The following ZFR variants were observed in gnomAD, a reference collection of about 807,000 sequenced individuals.
ZFR encodes zinc finger RNA binding protein, also known as zinc finger RNA-binding protein.
ZFR carries 19 observed loss-of-function variants against 130.7 expected under a neutral mutation model. That is an observed-to-expected ratio of 0.15 (90% CI 0.10 to 0.21). The LOEUF (loss-of-function observed/expected upper bound fraction) is 0.21, where lower values mean the gene tolerates loss of function less well. Among genes scored for constraint, ZFR ranks in the 10% least tolerant of loss-of-function variants. ZFR has a pLI of 1.00. For missense variants in ZFR, 872 were observed against 1,321.5 expected (o/e 0.66, Z 5.27); for synonymous variants, 466 against 456.9 (o/e 1.02, Z -0.25).
intron 17 of ZFR, among the ~76,000 whole-genome samples, chr5:32,369,147 G>A (rs1329276373): frequency 6.6e-6 from 1 of 152,172 alleles, no homozygotes; most frequent in Non-Finnish European, 1.5e-5. Flanking sequence ...CAGTTAAATA[G>A]ATGATTTTTG....
chr5:32,380,396 A>T, intron 15 of ZFR: 1 of 391,770 alleles, frequency 2.6e-6, no homozygotes, highest in South Asian at 4.1e-5. Flanking sequence ...CTGGAAATAT[A>T]AACCCTACCC....
chr5:32,366,466 A>G (rs76004934), intron 17 of ZFR, among the ~76,000 whole-genome samples: 2,545 of 152,366 alleles, frequency 0.017, 37 homozygotes, highest in Non-Finnish European at 0.026. Flanking sequence ...AAAAGCAGAA[A>G]TTAATTAAAA....
intron 7 of ZFR, among the ~76,000 whole-genome samples, chr5:32,403,610 G>T (rs1753517810): frequency 6.6e-6 from 1 of 152,056 alleles, no homozygotes; most frequent in African/African-American, 2.4e-5. Flanking sequence ...CTACTATTAG[G>T]TGAGGAAACT....
chr5:32,424,630 G>T (rs551837950), intron 2 of ZFR, among the ~76,000 whole-genome samples: 1 of 152,078 alleles, frequency 6.6e-6, no homozygotes, highest in East Asian at 1.9e-4. Context: ...GACTTTATAG[G>T]TGAGCAATCA....
intron 15 of ZFR, among the ~76,000 whole-genome samples, chr5:32,384,710 C>T (rs1297020866): frequency 6.6e-6 from 1 of 152,134 alleles, no homozygotes; most frequent in Non-Finnish European, 1.5e-5. Flanking sequence ...AACCAACATA[C>T]TGCAGACACT....
intron 17 of ZFR, among the ~76,000 whole-genome samples, chr5:32,366,782 ACTT>A: frequency 6.6e-6 from 1 of 152,162 alleles, no homozygotes; most frequent in Non-Finnish European, 1.5e-5. Context: ...TAAGAGAATA[ACTT>A]ATTAAGAATT....
intron 1 of ZFR, 55 bp downstream of exon 1, chr5:32,444,567 G>C: frequency 6.9e-7 from 1 of 1,443,920 alleles, no homozygotes; most frequent in Non-Finnish European, 9.1e-7. Flanking sequence ...GCTCCCCGCT[G>C]CCCGGGGCCA....
chr5:32,404,133 A>C (rs1753528495), intron 6 of ZFR, 36 bp from the exon 7 acceptor site: 1 of 1,531,690 alleles, frequency 6.5e-7, no homozygotes, highest in Non-Finnish European at 8.8e-7. Flanking sequence ...TTGCTTCACT[A>C]ATTTTCTTTA....
intron 11 of ZFR, among the ~76,000 whole-genome samples, chr5:32,393,503 C>G (rs148104621): frequency 4.6e-5 from 7 of 151,902 alleles, no homozygotes; most frequent in Admixed American, 3.3e-4. Context: ...GCCACCACGC[C>G]GGCTAATTTT....
At position 32,420,074 on chromosome 5, in the gene ZFR, G is replaced by C; in HGVS notation, c.167C>G (p.Ser56Cys). 1 of 1,600,540 alleles carries C rather than the reference G, an allele frequency of 6.2e-7. No individual in the cohort carries two copies. Among genetic ancestry groups the C allele is most frequent in the Non-Finnish European group, 8.5e-7 (1 of 1,170,484 alleles). ...GTAGCTAGCAACTGTAGTTGGATGA[G>C]AATAGGCTACACCCGAAGCTGGCTG... is the stretch of plus-strand genomic sequence containing the variant. ...SQQPASGVAY[S>C]HPTTVASYTV... The change falls in exon 3 of 20, where the codon TCT becomes TGT. Residue 56 changes from serine to cysteine, a missense_variant. Physicochemically the swap from Ser to Cys is moderately radical, Grantham distance 112. Coordinates refer to ENST00000265069, the MANE Select transcript of ZFR (RefSeq NM_016107.5).
chr5:32,363,046 T>G (rs1306672221), intron 19 of ZFR, among the ~76,000 whole-genome samples: 1 of 152,234 alleles, frequency 6.6e-6, no homozygotes, highest in Non-Finnish European at 1.5e-5. Flanking sequence ...GTCTGTAAGA[T>G]ATCCATAATA....
At chr5:32,393,822 A>G (rs528150623) in intron 11 of ZFR, among the ~76,000 whole-genome samples, 9 of 152,296 alleles carry the variant, frequency 5.9e-5, no homozygotes. Context: ...CCCATATTCT[A>G]TTATTAGCAA....
rs186052439 is a variant in ZFR, at chr5:32,412,056, A to G, written c.784+2913T>C. Among the ~76,000 whole-genome samples the G allele has an allele frequency of 1.8e-3, 275 of 152,326 alleles. 3 individuals are homozygous for G. Among genetic ancestry groups the G allele is most frequent in the African/African-American group, 6.5e-3 (270 of 41,566 alleles). On this transcript the variant is annotated intron_variant, in intron 5 of 19. Transcript: ENST00000265069. ...AAGGATCAATGTGAAAGGATTTTGC[A>G]ACTACCACTGTAGAAATTCATTCAG...
intron 11 of ZFR, among the ~76,000 whole-genome samples, chr5:32,392,272 C>T (rs1481503040): frequency 1.5e-5 from 2 of 131,418 alleles, no homozygotes; most frequent in African/African-American, 5.3e-5. Flanking sequence ...TCCTGGCACA[C>T]TGTGGATGCT....
rs886300461 is a variant in ZFR, at chr5:32,356,009, C to T, written c.3046-70G>A. On this transcript the variant is annotated intron_variant, in intron 19 of 19. Coordinates refer to ENST00000265069, the MANE Select transcript of ZFR (RefSeq NM_016107.5). ...AAGTAGTAATACTTACTACATTTAC[C>T]TCCCTCCAAATGCAACCTAAAAAAG... The T allele has an allele frequency of 9.5e-5, 123 of 1,290,954 alleles. 1 individual carries two copies. Among genetic ancestry groups the T allele is most frequent in the Non-Finnish European group, 1.2e-4 (119 of 962,664 alleles). 80.0% of individuals were successfully genotyped at this position (1,290,954 alleles called of 1,614,324 possible). A position where few individuals can be genotyped will look rare whatever the true frequency, so the allele number is the denominator to read the frequency against.
rs376085657 is a variant in ZFR at position 32,409,586 on chromosome 5, A to G, written c.785-2565T>C. ...ATACCTGGCTCATTTTTGTATTTTTAGTAGAGACGGGGTTTTACCATGGTG... is the reference window on the plus strand; with the variant it reads ...ATACCTGGCTCATTTTTGTATTTTTGGTAGAGACGGGGTTTTACCATGGTG... On this transcript the variant is annotated intron_variant, in intron 5 of 19. Coordinates refer to ENST00000265069, the MANE Select transcript of ZFR (RefSeq NM_016107.5). 4.7e-4 allele frequency among the ~76,000 whole-genome samples: 71 copies of G among 152,082 alleles called. No individual in the cohort carries two copies. The East Asian group carries it at 0.013, about 28-fold the overall frequency.
chr5:32,385,138 ACTT>A (rs1488283190), intron 15 of ZFR, among the ~76,000 whole-genome samples: 8 of 152,098 alleles, frequency 5.3e-5, no homozygotes, highest in African/African-American at 1.9e-4. Context: ...AAGAGCAAAA[ACTT>A]CTTAATCCAA....
At chr5:32,444,436 C>A in intron 1 of ZFR, 108 bp from the exon 2 acceptor site, 1 of 1,347,076 alleles carries the variant, frequency 7.4e-7, no homozygotes, top group South Asian at 1.5e-5. Flanking sequence ...GTGAGAGCAG[C>A]CCTGGCGGGG....
At chr5:32,380,332 C>A (rs1752906722) in intron 15 of ZFR, 160 bp from the exon 16 acceptor site, 1 of 499,446 alleles carries the variant, frequency 2.0e-6, no homozygotes, top group Non-Finnish European at 3.6e-6. Flanking sequence ...TTACATAATC[C>A]AATATGAGGA....
Sources: gnomAD v4.1 joint callset for allele counts (sites outside exome capture counted in the v4.1 genomes callset) on GRCh38, gnomAD v4.1.1 for gene constraint, MANE v1.5 for transcripts, NCBI Gene and HGNC (gene_info 2026-07-23, HGNC 2026-07-21) for gene names.